Variants in ZNF184 observed in about 807,000 individuals in gnomAD.
The protein encoded by ZNF184 is zinc finger protein 184 (Kruppel-like).
A neutral mutation model predicts 54.4 loss-of-function variants in ZNF184; 16 were observed. That is an observed-to-expected ratio of 0.29 (90% CI 0.20 to 0.45). The LOEUF (loss-of-function observed/expected upper bound fraction) is 0.45. Ranked by LOEUF, ZNF184 falls within the 20% of genes least tolerant of loss-of-function variation. The pLI is 1.00. For synonymous variants in ZNF184, 254 were observed against 295.3 expected, an observed-to-expected ratio of 0.86 and a Z score of 1.43; for missense variants, 681 against 888.2, an observed-to-expected ratio of 0.77 and a Z score of 2.97.
At chr6:27,410,033 C>CT in the ZNF184 span, among the ~76,000 whole-genome samples, 3 of 152,242 alleles carry the variant, frequency 2.0e-5, no homozygotes. Flanking sequence ...AGTACAGTAA[C>CT]GTGATGTACA....
chr6:27,450,509 G>C (rs1220388159), downstream of ZNF184, among the ~76,000 whole-genome samples: 1 of 152,012 alleles, frequency 6.6e-6, no homozygotes, highest in East Asian at 1.9e-4. Context: ...ACGGAAATGG[G>C]CCTTCATCTG....
At chr6:27,409,430 T>C in the ZNF184 span, among the ~76,000 whole-genome samples, 2 of 130,510 alleles carry the variant, frequency 1.5e-5, no homozygotes, top group Non-Finnish European at 3.1e-5. Context: ...ACCTGGGAGG[T>C]GGAGCTTGCA....
At chr6:27,441,176 G>A in the ZNF184 span, among the ~76,000 whole-genome samples, 3 of 152,096 alleles carry the variant, frequency 2.0e-5, no homozygotes, top group African/African-American at 7.2e-5. Flanking sequence ...TTGTGATGAG[G>A]TGGAAAAGCA....
chr6:27,467,804 C>T, intron 3 of ZNF184, 49 bp downstream of exon 3: 5 of 1,538,486 alleles, frequency 3.2e-6, no homozygotes, highest in Non-Finnish European at 4.4e-6. Flanking sequence ...CAAAAAACCA[C>T]AATCACCCTC....
the ZNF184 span, among the ~76,000 whole-genome samples, chr6:27,433,109 A>G: frequency 6.6e-5 from 10 of 152,240 alleles, no homozygotes; most frequent in African/African-American, 2.2e-4. Flanking sequence ...ATCATGGGAC[A>G]GAGACAAACT....
chr6:27,412,690 G>A, the ZNF184 span, among the ~76,000 whole-genome samples: 3 of 152,156 alleles, frequency 2.0e-5, no homozygotes, highest in South Asian at 2.1e-4. Flanking sequence ...GGCTTTATAC[G>A]TTTTAGAAAG....
At chr6:27,439,577 T>C in the ZNF184 span, among the ~76,000 whole-genome samples, 3 of 152,180 alleles carry the variant, frequency 2.0e-5, no homozygotes, top group Non-Finnish European at 4.4e-5. Flanking sequence ...ACCTACATCA[T>C]TCACCTCAGT....
chr6:27,410,747 G>T, the ZNF184 span, among the ~76,000 whole-genome samples: 1 of 152,170 alleles, frequency 6.6e-6, no homozygotes, highest in Non-Finnish European at 1.5e-5. Flanking sequence ...GCCCAGGCTG[G>T]TCTCAAACTC....
At chr6:27,436,957 AT>A in the ZNF184 span, among the ~76,000 whole-genome samples, 1 of 152,322 alleles carries the variant, frequency 6.6e-6, no homozygotes, top group South Asian at 2.1e-4. Context: ...GGTAGGAGGA[AT>A]TTGAGAAGAT....
At chr6:27,413,505 T>C in the ZNF184 span, among the ~76,000 whole-genome samples, 1 of 152,224 alleles carries the variant, frequency 6.6e-6, no homozygotes, top group Non-Finnish European at 1.5e-5. Flanking sequence ...AATGGACTCC[T>C]CTATGCTCAT....
the ZNF184 span, among the ~76,000 whole-genome samples, chr6:27,422,152 GA>G: frequency 5.5e-5 from 1 of 18,144 alleles, no homozygotes; most frequent in Non-Finnish European, 1.2e-4. Context: ...AAAAAAAAAA[GA>G]AAGAAAGAAA....
At chr6:27,438,426 G>A in the ZNF184 span, among the ~76,000 whole-genome samples, 1 of 152,170 alleles carries the variant, frequency 6.6e-6, no homozygotes, top group Non-Finnish European at 1.5e-5. Context: ...CACTGTAGGA[G>A]TACTTAATTG....
intron 2 of ZNF184, 119 bp from the exon 3 acceptor site, chr6:27,468,039 T>C: frequency 2.3e-6 from 2 of 868,930 alleles, no homozygotes; most frequent in Non-Finnish European, 3.3e-6. Flanking sequence ...TCCTTTATAT[T>C]TTAGAATGCA....
At chr6:27,409,754 C>T in the ZNF184 span, among the ~76,000 whole-genome samples, 7 of 151,892 alleles carry the variant, frequency 4.6e-5, no homozygotes, top group East Asian at 1.9e-4. Flanking sequence ...AAATTTAGTG[C>T]AGCCTAATGT....
the ZNF184 span, among the ~76,000 whole-genome samples, chr6:27,443,126 C>T: frequency 5.3e-5 from 8 of 152,228 alleles, no homozygotes; most frequent in Non-Finnish European, 1.0e-4. Context: ...AAACAATTCT[C>T]CAAATAATTT....
chr6:27,422,389 T>C, the ZNF184 span, among the ~76,000 whole-genome samples: 8 of 152,010 alleles, frequency 5.3e-5, no homozygotes, highest in African/African-American at 1.9e-4. Context: ...GATTCTGAGA[T>C]GTCTGTTTTT....
At chr6:27,459,763 C>T (rs7748366) in intron 3 of ZNF184, among the ~76,000 whole-genome samples, 91,797 of 152,026 alleles carry the variant, frequency 0.6, 27,803 homozygotes, top group Middle Eastern at 0.75. Context: ...AACTTACATG[C>T]CCATTAATAG....
At chr6:27,425,135 A>G in the ZNF184 span, among the ~76,000 whole-genome samples, 5 of 152,190 alleles carry the variant, frequency 3.3e-5, no homozygotes, top group African/African-American at 1.2e-4. Context: ...GGGGCCCGCC[A>G]AGCCCACGCC....
the ZNF184 span, among the ~76,000 whole-genome samples, chr6:27,420,375 C>G: frequency 5.9e-5 from 9 of 152,170 alleles, no homozygotes; most frequent in Non-Finnish European, 1.3e-4. Context: ...TTTCTTTCAA[C>G]TCCCCCTTAC....
Sources: allele counts gnomAD v4.1 joint callset (sites outside exome capture counted in the v4.1 genomes callset), GRCh38; gene constraint gnomAD v4.1.1; transcripts MANE v1.5; gene names NCBI Gene and HGNC (gene_info 2026-07-23, HGNC 2026-07-21).